PPP1CC: variants seen among roughly 807,000 people sequenced by gnomAD.
PPP1CC encodes serine/threonine-protein phosphatase PP1-gamma catalytic subunit.
A neutral mutation model predicts 38.4 loss-of-function variants in PPP1CC; 16 were observed. That is an observed-to-expected ratio of 0.42 (90% CI 0.28 to 0.63). The LOEUF (loss-of-function observed/expected upper bound fraction) is 0.63, where lower values mean the gene tolerates loss of function less well. Ranked by LOEUF, PPP1CC falls within the 30% of genes least tolerant of loss-of-function variation. The pLI is 0.25. For synonymous variants in PPP1CC, 158 were observed against 136.0 expected (o/e 1.16, Z -1.13); for missense variants, 170 against 391.3 (o/e 0.43, Z 4.77).
rs1222780832 is a variant in PPP1CC at position 110,720,097 on chromosome 12, C to T, written c.*979G>A. The T allele has an allele frequency of 9.9e-6, 15 of 1,516,886 alleles. No individual in the cohort carries two copies. Among genetic ancestry groups the T allele is most frequent in the Non-Finnish European group, 1.2e-5 (14 of 1,129,648 alleles). 94.0% of individuals were successfully genotyped at this position (1,516,886 alleles called of 1,614,324 possible). On this transcript the variant is annotated 3_prime_UTR_variant, in exon 7 of 7. Coordinates refer to ENST00000335007, the MANE Select transcript of PPP1CC (RefSeq NM_002710.4). ...TAACTTATAAGCCTCAACTTCACCGCAGAATAAAGAATGTAGGCCAAAGAA... is the reference window on the plus strand; with the variant it reads ...TAACTTATAAGCCTCAACTTCACCGTAGAATAAAGAATGTAGGCCAAAGAA...
chr12:110,722,035 C>G lies in PPP1CC; in HGVS notation c.882+100G>C. The G allele has an allele frequency of 1.4e-6, 2 of 1,439,682 alleles. No individual in the cohort carries two copies. The highest frequency in any genetic ancestry group is 2.5e-5 in the South Asian group (2 of 78,748). The allele number at this position is 1,439,682 out of a possible 1,614,324, so 89.2% of individuals were successfully genotyped here. A position where few individuals can be genotyped will look rare whatever the true frequency, so the allele number is the denominator to read the frequency against. ...TAAGGGAAAATAAAAACTTAGCCTA[C>G]TCAGCATAAGTGAACACTAGGCAAA... On this transcript the variant is annotated intron_variant, in intron 6 of 6. Transcript: ENST00000335007. This position sits in a 1 kb window ranked among gnomAD's most constrained non-coding sequence, Gnocchi z 5.4.
At chr12:110,731,198 C>T (rs1295595919) in intron 2 of PPP1CC, among the ~76,000 whole-genome samples, 2 of 109,598 alleles carry the variant, frequency 1.8e-5, no homozygotes, top group African/African-American at 7.0e-5. Context: ...ATACACACCA[C>T]CCCCACCCCC....
rs577625526 is a variant in PPP1CC, at chr12:110,720,968, C to T, written c.*108G>A. 2.2e-6 allele frequency: 2 copies of T among 918,456 alleles called. No homozygotes were observed. Among genetic ancestry groups the T allele is most frequent in the South Asian group, 2.0e-5 (1 of 50,766 alleles). 56.9% of individuals were successfully genotyped at this position (918,456 alleles called of 1,614,324 possible). A position where few individuals can be genotyped will look rare whatever the true frequency, so the allele number is the denominator to read the frequency against. ...TCAAAAATGGAAGGAAGGGCCCCCACAAACACAGATCTATCTGAGCAAGCT... is the reference window on the plus strand; with the variant it reads ...TCAAAAATGGAAGGAAGGGCCCCCATAAACACAGATCTATCTGAGCAAGCT... On this transcript the variant is annotated 3_prime_UTR_variant, in exon 7 of 7. Coordinates refer to ENST00000335007, the MANE Select transcript of PPP1CC (RefSeq NM_002710.4).
At chr12:110,739,910 A>G (rs1216732150) in intron 1 of PPP1CC, among the ~76,000 whole-genome samples, 1 of 152,228 alleles carries the variant, frequency 6.6e-6, no homozygotes, top group Non-Finnish European at 1.5e-5. Flanking sequence ...TTAAATAACT[A>G]ACATCAGTTA....
chr12:110,735,536 C>T (rs1037848421), intron 1 of PPP1CC, among the ~76,000 whole-genome samples: 3 of 152,164 alleles, frequency 2.0e-5, no homozygotes, highest in Non-Finnish European at 2.9e-5. Flanking sequence ...AATCCCAACA[C>T]TTTGGGAGGC....
At chr12:110,713,029 C>T in the PPP1CC span, among the ~76,000 whole-genome samples, 1 of 151,940 alleles carries the variant, frequency 6.6e-6, no homozygotes, top group Non-Finnish European at 1.5e-5. Flanking sequence ...GCCGAGATTG[C>T]ACCATTGCAT....
intron 3 of PPP1CC, among the ~76,000 whole-genome samples, chr12:110,728,557 G>C (rs184214256): frequency 3.3e-5 from 5 of 152,186 alleles, no homozygotes; most frequent in African/African-American, 1.2e-4. Flanking sequence ...ATTACAGGTG[G>C]TAGTAAGCTA....
chr12:110,734,346 A>ATATT (rs1192557573), intron 1 of PPP1CC, among the ~76,000 whole-genome samples: 1 of 152,076 alleles, frequency 6.6e-6, no homozygotes, highest in South Asian at 2.1e-4. Context: ...TCCAGACTAT[A>ATATT]TATTTATTTA....
chr12:110,741,043 A>G (rs936721824), intron 1 of PPP1CC, among the ~76,000 whole-genome samples: 1 of 152,222 alleles, frequency 6.6e-6, no homozygotes, highest in Non-Finnish European at 1.5e-5. Context: ...TTAAAGAACT[A>G]TATTAACTAG....
chr12:110,715,998 C>T (rs2069684248), downstream of PPP1CC, among the ~76,000 whole-genome samples: 1 of 152,172 alleles, frequency 6.6e-6, no homozygotes, highest in African/African-American at 2.4e-5. Flanking sequence ...TAAATAGATG[C>T]TCACTTTGAG....
chr12:110,730,790 C>G (rs765128523), intron 2 of PPP1CC, 31 bp from the exon 3 acceptor site: 3 of 1,449,532 alleles, frequency 2.1e-6, no homozygotes, highest in Non-Finnish European at 2.9e-6. Context: ...ACACAGTGTT[C>G]CCATACTTAA....
chr12:110,738,251 G>A (rs575407406), intron 1 of PPP1CC, among the ~76,000 whole-genome samples: 3 of 152,278 alleles, frequency 2.0e-5, no homozygotes, highest in Admixed American at 2.0e-4. Flanking sequence ...TGTTCTTGAT[G>A]CTTTGGATAC....
chr12:110,722,307 A>G lies in PPP1CC; in HGVS notation c.748-38T>C. On this transcript the variant is annotated intron_variant, in intron 5 of 6. Coordinates refer to ENST00000335007, the MANE Select transcript of PPP1CC (RefSeq NM_002710.4). This position sits in a 1 kb window ranked among gnomAD's most constrained non-coding sequence, Gnocchi z 5.4. ...ATTTTTTCAATATAAATAGGTGCAA[A>G]TATTAGGTGAGTAAAACCATGTTTC... 1 of 1,602,934 alleles carries G rather than the reference A, an allele frequency of 6.2e-7. No homozygotes were observed. The highest frequency in any genetic ancestry group is 8.5e-7 in the Non-Finnish European group (1 of 1,171,464).
intron 1 of PPP1CC, among the ~76,000 whole-genome samples, chr12:110,739,365 T>C (rs1219230092): frequency 2.8e-5 from 4 of 144,134 alleles, no homozygotes; most frequent in Non-Finnish European, 1.5e-5. Context: ...ATTACTTTTG[T>C]TTTTTTTTTT....
At chr12:110,737,477 C>CAAAAAAAAAAAAA (rs71083137) in intron 1 of PPP1CC, among the ~76,000 whole-genome samples, 33 of 42,476 alleles carry the variant, frequency 7.8e-4, no homozygotes, top group South Asian at 2.2e-3. Context: ...AAGAAAGACT[C>CAAAAAAAAAAAAA]AAAAAAAAAA....
chr12:110,714,695 A>G (rs1048394060), downstream of PPP1CC, among the ~76,000 whole-genome samples: 2 of 149,406 alleles, frequency 1.3e-5, no homozygotes, highest in African/African-American at 2.5e-5. Context: ...AATCCCAGCT[A>G]CTTGGGAGGC....
downstream of PPP1CC, among the ~76,000 whole-genome samples, chr12:110,717,803 TA>T (rs774374210): frequency 2.0e-5 from 3 of 152,222 alleles, no homozygotes; most frequent in Non-Finnish European, 4.4e-5. Context: ...TCCCTTCTAC[TA>T]ATTTCAGGTG....
chr12:110,714,692 G>C (rs1448157854), downstream of PPP1CC, among the ~76,000 whole-genome samples: 1 of 150,512 alleles, frequency 6.6e-6, no homozygotes, highest in East Asian at 1.9e-4. Flanking sequence ...TGTAATCCCA[G>C]CTACTTGGGA....
rs1593579778 is a variant in PPP1CC at position 110,730,533 on chromosome 12, A to G, written c.414T>C (p.Asp138=). 1.3e-6 allele frequency: 2 copies of G among 1,599,294 alleles called. No homozygotes were observed. The highest frequency in any genetic ancestry group is 2.2e-5 in the East Asian group (1 of 44,822). Residue 138 remains aspartate, a synonymous_variant, in exon 3 of 7, where the codon GAT becomes GAC. Transcript: ENST00000335007. ...ASINRIYGFY[D]ECKRRYNIKL... ...TAGATATAGAAAAGTACTTACATTC[A>G]TCATAAAATCCATAAATTCTGTTGA...
Sources: allele counts gnomAD v4.1 joint callset (sites outside exome capture counted in the v4.1 genomes callset), GRCh38; gene constraint gnomAD v4.1.1; non-coding constraint Gnocchi (gnomAD v3.1); transcripts MANE v1.5; gene names NCBI Gene and HGNC (gene_info 2026-07-23, HGNC 2026-07-21).